Variants in FANCA observed in about 807,000 individuals in gnomAD.
The protein encoded by FANCA is FA complementation group A.
A neutral mutation model predicts 194.3 loss-of-function variants in FANCA; 236 were observed. The ratio of observed to expected loss-of-function variants is 1.21; its 90% confidence interval spans 1.09 to 1.35. FANCA has a LOEUF of 1.35. Ranked by LOEUF, FANCA falls within the 40% of genes most tolerant of loss-of-function variation. The pLI is 0.00. For missense variants in FANCA, 2,628 were observed against 1,813.9 expected, an observed-to-expected ratio of 1.45 and a Z score of -8.15; for synonymous variants, 1,014 against 715.8, an observed-to-expected ratio of 1.42 and a Z score of -6.65.
chr16:89,771,596 G>C (rs1465244695), intron 23 of FANCA, 82 bp downstream of exon 23: 3 of 1,512,510 alleles, frequency 2.0e-6, no homozygotes, highest in African/African-American at 1.4e-5. Context: ...CAGAAATTGA[G>C]AGAAGGCTCC....
At chr16:89,786,054 T>C (rs1398783966) in intron 14 of FANCA, among the ~76,000 whole-genome samples, 4 of 147,110 alleles carry the variant, frequency 2.7e-5, no homozygotes, top group Non-Finnish European at 5.9e-5. Flanking sequence ...AGTCTCACTC[T>C]GTCATCCAGG....
chr16:89,788,506 T>C (rs2039967338), intron 14 of FANCA, among the ~76,000 whole-genome samples: 1 of 151,614 alleles, frequency 6.6e-6, no homozygotes, highest in African/African-American at 2.4e-5. Context: ...TTATCAAAAC[T>C]CATCTAACTA....
Position 89,737,568 on chromosome 16 carries a change from A to T in FANCA, c.*1033T>A. 1 of 627,184 alleles carries T rather than the reference A, an allele frequency of 1.6e-6. No individual in the cohort carries two copies. The highest frequency in any genetic ancestry group is 2.5e-6 in the Non-Finnish European group (1 of 392,814). The allele number at this position is 627,184 out of a possible 1,614,324, so 38.9% of individuals were successfully genotyped here. On this transcript the variant is annotated 3_prime_UTR_variant, in exon 43 of 43. Transcript: ENST00000389301. ...CTGTGGTTAAGGAAATAGCTTTCTG[A>T]GGTTTCTTTAAAAACCATCCTGAAA...
chr16:89,778,270 C>A, intron 20 of FANCA: 1 of 221,714 alleles, frequency 4.5e-6, no homozygotes, highest in Non-Finnish European at 9.1e-6. Context: ...GTTTGAGAAC[C>A]GCCTGGCCAA....
intron 3 of FANCA, 95 bp downstream of exon 3, chr16:89,814,425 A>G: frequency 1.0e-6 from 1 of 978,796 alleles, no homozygotes; most frequent in Non-Finnish European, 1.6e-6. Context: ...CCATCGCCTG[A>G]GAAAATTTAC....
chr16:89,770,031 C>A lies in FANCA; in HGVS notation c.2317-7G>T. On this transcript the variant is annotated splice_polypyrimidine_tract_variant and splice_region_variant and intron_variant, in intron 25 of 42. Coordinates refer to ENST00000389301, the MANE Select transcript of FANCA (RefSeq NM_000135.4). ...GGGCACTCAGGCTCGGGCCCTGCAA[C>A]GAGAATGAGGGTGGCAGAGCAGACT... is the stretch of plus-strand genomic sequence containing the variant. 1 of 1,612,822 alleles carries A rather than the reference C, an allele frequency of 6.2e-7. No homozygotes were observed. The highest frequency in any genetic ancestry group is 8.5e-7 in the Non-Finnish European group (1 of 1,179,700).
intron 3 of FANCA, among the ~76,000 whole-genome samples, chr16:89,812,004 T>C (rs1265134778): frequency 6.6e-6 from 1 of 150,944 alleles, no homozygotes; most frequent in African/African-American, 2.4e-5. Flanking sequence ...CTGCTGGGAT[T>C]ACAGGTGTGA....
chr16:89,758,238 G>A (rs2038828612), intron 30 of FANCA, among the ~76,000 whole-genome samples: 2 of 152,226 alleles, frequency 1.3e-5, no homozygotes, highest in African/African-American at 4.8e-5. Context: ...TATTGACATA[G>A]ATTTGCTATG....
chr16:89,765,307 G>A (rs2039089311), intron 27 of FANCA, among the ~76,000 whole-genome samples: 1 of 150,502 alleles, frequency 6.6e-6, no homozygotes. Flanking sequence ...TCCAGCCCTT[G>A]GGAGGGCACA....
At chr16:89,797,078 T>C (rs2040272970) in intron 10 of FANCA, among the ~76,000 whole-genome samples, 1 of 152,118 alleles carries the variant, frequency 6.6e-6, no homozygotes. Context: ...GAGAATGGTG[T>C]GAACCCAGGG....
At position 89,752,287 on chromosome 16, in the gene FANCA, C is replaced by T. The variant is rs549389664; in HGVS notation, c.2982-65G>A. ...TAATAGTGCTGAAGTTCCCAGTTCT[C>T]CTCCTGCCTCCGGAGCTGAGTGATG... is the stretch of plus-strand genomic sequence containing the variant. On this transcript the variant is annotated intron_variant, in intron 30 of 42. Transcript: ENST00000389301. The T allele has an allele frequency of 1.4e-4, 181 of 1,294,108 alleles. No homozygotes were observed. The African/African-American group carries it at 2.5e-3, about 18-fold the overall frequency. 80.2% of individuals were successfully genotyped at this position (1,294,108 alleles called of 1,614,324 possible).
At chr16:89,812,568 C>G (rs975719426) in intron 3 of FANCA, among the ~76,000 whole-genome samples, 4 of 145,074 alleles carry the variant, frequency 2.8e-5, no homozygotes, top group African/African-American at 1.0e-4. Context: ...ATCACTTTAA[C>G]TAGGGAGGCA....
intron 35 of FANCA, 119 bp from the exon 36 acceptor site, chr16:89,745,190 C>T (rs952135872): frequency 4.3e-5 from 39 of 917,234 alleles, no homozygotes; most frequent in East Asian, 7.9e-5. Context: ...ACTCGCCCTG[C>T]GCTCTGGAAC....
At chr16:89,763,063 C>G (rs2039007631) in intron 28 of FANCA, among the ~76,000 whole-genome samples, 4 of 150,326 alleles carry the variant, frequency 2.7e-5, no homozygotes, top group Admixed American at 2.7e-4. Flanking sequence ...CTGGCTAACA[C>G]AGTGAAACCC....
rs1598120768 is a variant in FANCA, at chr16:89,775,741, C to T, written c.1900+1G>A. On this transcript the variant is annotated splice_donor_variant, in intron 21 of 42. Transcript: ENST00000389301. LOFTEE classifies it high-confidence loss of function. ...AGTGGACAAGCGGCCCAGGAACTTA[C>T]CTTCTGGCTTCTCTTCAGCAGCAGA... The T allele has an allele frequency of 6.2e-7, 1 of 1,610,688 alleles. No homozygotes were observed. The highest frequency in any genetic ancestry group is 8.5e-7 in the Non-Finnish European group (1 of 1,178,328).
At chr16:89,799,515 A>G (rs1174973898) in intron 9 of FANCA, 90 bp downstream of exon 9, 5 of 1,293,314 alleles carry the variant, frequency 3.9e-6, no homozygotes, top group Non-Finnish European at 5.6e-6. Flanking sequence ...CAGAGGAGAA[A>G]TACCTCAAAT....
At chr16:89,786,732 G>A (rs1048992233) in intron 14 of FANCA, among the ~76,000 whole-genome samples, 5 of 152,162 alleles carry the variant, frequency 3.3e-5, no homozygotes, top group African/African-American at 1.2e-4. Flanking sequence ...ACAGAGTCAC[G>A]GAAAAACAAA....
chr16:89,816,178 G>A (rs749553853), intron 1 of FANCA, 192 bp from the exon 2 acceptor site: 4 of 623,392 alleles, frequency 6.4e-6, no homozygotes, highest in South Asian at 4.8e-5. Context: ...GGGGAAGACG[G>A]CCCAGGAGGG....
intron 10 of FANCA, among the ~76,000 whole-genome samples, chr16:89,797,349 A>G (rs1266827255): frequency 6.6e-6 from 1 of 151,598 alleles, no homozygotes; most frequent in Non-Finnish European, 1.5e-5. Flanking sequence ...AAAGAAAGAA[A>G]GAAAGAAAAT....
Sources: allele counts gnomAD v4.1 joint callset (sites outside exome capture counted in the v4.1 genomes callset), GRCh38; gene constraint gnomAD v4.1.1; transcripts MANE v1.5; gene names NCBI Gene and HGNC (gene_info 2026-07-23, HGNC 2026-07-21).